TMEM117: variants seen among roughly 807,000 people sequenced by gnomAD.
TMEM117 encodes the protein transmembrane protein 117.
A neutral mutation model predicts 52.4 loss-of-function variants in TMEM117; 27 were observed. The observed-to-expected ratio is 0.51, with a 90% CI of 0.38 to 0.71. The LOEUF is 0.71. Among genes scored for constraint, TMEM117 ranks in the 30% least tolerant of loss-of-function variants. The pLI is 0.00. For missense variants in TMEM117, 556 were observed against 630.5 expected (o/e 0.88, Z 1.26); for synonymous variants, 215 against 206.3 (o/e 1.04, Z -0.36).
chr12:43,887,855 T>G (rs977161718), intron 2 of TMEM117, among the ~76,000 whole-genome samples: 2 of 152,212 alleles, frequency 1.3e-5, no homozygotes, highest in Non-Finnish European at 2.9e-5. Context: ...GGGCTGTGGC[T>G]GTAAGAGTAA....
At chr12:43,920,146 C>G (rs1364493933) in intron 2 of TMEM117, among the ~76,000 whole-genome samples, 2 of 152,134 alleles carry the variant, frequency 1.3e-5, no homozygotes, top group African/African-American at 4.8e-5. Flanking sequence ...TCTCTGACCT[C>G]TCTCTCCTTA....
At chr12:43,894,778 T>C (rs1038416938) in intron 2 of TMEM117, among the ~76,000 whole-genome samples, 1 of 152,232 alleles carries the variant, frequency 6.6e-6, no homozygotes, top group African/African-American at 2.4e-5. Context: ...ACATTTTCTT[T>C]ATCCCGTCTG....
intron 6 of TMEM117, among the ~76,000 whole-genome samples, chr12:44,350,070 C>A (rs921328021): frequency 6.6e-6 from 1 of 151,968 alleles, no homozygotes; most frequent in South Asian, 2.1e-4. Flanking sequence ...AGCATATGCC[C>A]ATATCATTGA....
At chr12:44,082,044 ATAAT>A (rs1392977674) in intron 3 of TMEM117, among the ~76,000 whole-genome samples, 2 of 151,896 alleles carry the variant, frequency 1.3e-5, no homozygotes, top group African/African-American at 4.8e-5. Context: ...TATCAGCCAA[ATAAT>A]TGTGATTTAT....
chr12:43,855,576 A>G (rs1943386695), intron 2 of TMEM117, among the ~76,000 whole-genome samples: 1 of 152,126 alleles, frequency 6.6e-6, no homozygotes, highest in South Asian at 2.1e-4. Flanking sequence ...GGGGTTTGCT[A>G]TTTTCTATGT....
Position 44,257,635 on chromosome 12 carries a change from A to T in TMEM117, c.609-41945A>T, listed in dbSNP as rs73274134. On this transcript the variant is annotated intron_variant, in intron 5 of 7. Transcript: ENST00000266534. The stretch of plus-strand genomic sequence containing the variant: ...AAATTGCCATATAGATTTCATTGTA[A>T]ATCACTACCTTTGGCATCCTAAAGC... Among the ~76,000 whole-genome samples the T allele has an allele frequency of 6.8e-3, 1,038 of 152,222 alleles. 15 individuals carry two copies. Among genetic ancestry groups the T allele is most frequent in the African/African-American group, 0.024 (993 of 41,542 alleles).
intron 6 of TMEM117, among the ~76,000 whole-genome samples, chr12:44,363,001 T>A (rs767640180): frequency 3.3e-5 from 5 of 151,930 alleles, no homozygotes; most frequent in Admixed American, 6.6e-5. Flanking sequence ...TACAGGTGCA[T>A]GCCACCACAC....
chr12:44,180,104 G>A (rs902907497), intron 4 of TMEM117, among the ~76,000 whole-genome samples: 1 of 152,054 alleles, frequency 6.6e-6, no homozygotes, highest in African/African-American at 2.4e-5. Flanking sequence ...GCCTCACCTA[G>A]CTTCAAAAAA....
chr12:43,865,416 G>A lies in TMEM117; in HGVS notation c.277+20488G>A, dbSNP rs112990082. Among the ~76,000 whole-genome samples, 328 of 152,258 alleles carry A rather than the reference G, an allele frequency of 2.2e-3. 1 individual carries two copies. The highest frequency in any genetic ancestry group is 7.6e-3 in the African/African-American group (316 of 41,546). On this transcript the variant is annotated intron_variant, in intron 2 of 7. Coordinates refer to ENST00000266534, the MANE Select transcript of TMEM117 (RefSeq NM_032256.3). ...GTGGGCAAAAACTAATGTAGATTTG[G>A]CCAGGTATACTGGCTCAGACCTGTA...
chr12:43,796,914 AC>A, the TMEM117 span: 1 of 1,498,956 alleles, frequency 6.7e-7, no homozygotes, highest in Non-Finnish European at 9.2e-7. Context: ...TACATCATAA[AC>A]TACATAGAAA....
intron 5 of TMEM117, among the ~76,000 whole-genome samples, chr12:44,264,539 G>A (rs1950354776): frequency 6.6e-6 from 1 of 152,166 alleles, no homozygotes; most frequent in Non-Finnish European, 1.5e-5. Context: ...TTGATGGGAA[G>A]CTCTTAGGGA....
intron 6 of TMEM117, among the ~76,000 whole-genome samples, chr12:44,324,054 T>C (rs1951166613): frequency 6.6e-6 from 1 of 152,066 alleles, no homozygotes; most frequent in African/African-American, 2.4e-5. Flanking sequence ...ATTTTAATGG[T>C]ATTTAGAGAG....
intron 3 of TMEM117, among the ~76,000 whole-genome samples, chr12:43,977,415 C>T (rs1406170327): frequency 6.6e-6 from 1 of 152,110 alleles, no homozygotes; most frequent in African/African-American, 2.4e-5. Context: ...CACAGAGGAC[C>T]TGAGGGGGTA....
At chr12:43,954,251 C>T (rs1029535075) in intron 3 of TMEM117, among the ~76,000 whole-genome samples, 2 of 151,776 alleles carry the variant, frequency 1.3e-5, no homozygotes, top group East Asian at 1.9e-4. Flanking sequence ...AACTAGAGAA[C>T]CAAGAGGAAA....
chr12:44,317,284 T>TTATA (rs539649274), intron 6 of TMEM117, among the ~76,000 whole-genome samples: 4,197 of 146,960 alleles, frequency 0.029, 129 homozygotes, highest in African/African-American at 0.071. Context: ...TCTTTCCCTA[T>TTATA]TATATATATA....
chr12:44,240,588 G>A (rs1472909436), intron 5 of TMEM117, among the ~76,000 whole-genome samples: 1 of 152,006 alleles, frequency 6.6e-6, no homozygotes. Flanking sequence ...AAATCGGTAT[G>A]TATATGTTTG....
At chr12:44,306,406 G>T (rs946355752) in intron 6 of TMEM117, among the ~76,000 whole-genome samples, 1 of 152,042 alleles carries the variant, frequency 6.6e-6, no homozygotes, top group African/African-American at 2.4e-5. Context: ...AGATATATAT[G>T]TGCAGGTGTG....
At chr12:44,007,739 T>G (rs1448338889) in intron 3 of TMEM117, among the ~76,000 whole-genome samples, 2 of 152,090 alleles carry the variant, frequency 1.3e-5, no homozygotes, top group African/African-American at 4.8e-5. Context: ...GTATTTCTGG[T>G]GCTGTTCTCG....
chr12:44,164,198 T>A (rs1441544104), intron 4 of TMEM117, among the ~76,000 whole-genome samples: 1 of 152,172 alleles, frequency 6.6e-6, no homozygotes, highest in Non-Finnish European at 1.5e-5. Context: ...TTCAATGAAT[T>A]TATTAATATC....
Sources: allele counts gnomAD v4.1 joint callset (sites outside exome capture counted in the v4.1 genomes callset), GRCh38; gene constraint gnomAD v4.1.1; transcripts MANE v1.5; gene names NCBI Gene and HGNC (gene_info 2026-07-23, HGNC 2026-07-21).